The following PTPRD variants were observed in gnomAD, a reference collection of about 807,000 sequenced individuals.
PTPRD encodes protein tyrosine phosphatase receptor type D.
A neutral mutation model predicts 214.5 loss-of-function variants in PTPRD; 34 were observed. The ratio of observed to expected loss-of-function variants is 0.16; its 90% confidence interval spans 0.12 to 0.21. The LOEUF is 0.21. Ranked by LOEUF, PTPRD falls within the 10% of genes least tolerant of loss-of-function variation. PTPRD has a pLI of 1.00. For synonymous variants in PTPRD, 1,128 were observed against 845.7 expected, an observed-to-expected ratio of 1.33 and a Z score of -5.79; for missense variants, 2,545 against 2,398.7, an observed-to-expected ratio of 1.06 and a Z score of -1.27.
At chr9:9,290,823 G>A (rs142500218) in intron 9 of PTPRD, among the ~76,000 whole-genome samples, 3,069 of 151,422 alleles carry the variant, frequency 0.02, 62 homozygotes, top group Non-Finnish European at 0.029. Context: ...TCATTAATTC[G>A]TTAGGTAATC....
At chr9:8,883,318 T>G (rs984271353) in intron 11 of PTPRD, among the ~76,000 whole-genome samples, 2 of 152,208 alleles carry the variant, frequency 1.3e-5, no homozygotes, top group African/African-American at 4.8e-5. Flanking sequence ...AACTCCTAGA[T>G]TTGTTCTGTG....
intron 25 of PTPRD, 75 bp downstream of exon 25, chr9:8,499,572 T>G (rs2097349904): frequency 6.7e-7 from 1 of 1,484,758 alleles, no homozygotes; most frequent in Non-Finnish European, 9.1e-7. Context: ...AAAACTAAAA[T>G]AAGAGCAATT....
chr9:10,171,801 G>A (rs1223821201), intron 3 of PTPRD, among the ~76,000 whole-genome samples: 1 of 152,178 alleles, frequency 6.6e-6, no homozygotes, highest in Non-Finnish European at 1.5e-5. Flanking sequence ...GGGATTACAG[G>A]CATGAGCCAC....
At chr9:8,958,279 T>C (rs2099142116) in intron 11 of PTPRD, among the ~76,000 whole-genome samples, 2 of 151,936 alleles carry the variant, frequency 1.3e-5, no homozygotes, top group African/African-American at 4.8e-5. Context: ...ACAAGGAAGA[T>C]GTGGGGACAC....
At position 9,186,234 on chromosome 9, in the gene PTPRD, A is replaced by G. The variant is rs2099931390; in HGVS notation, c.-202-2871T>C. ...TCAATCTGGGGGAGAGAAAGAAATG[A>G]ACAAGGAGGAAATAACAATAAGGGT... On this transcript the variant is annotated intron_variant, in intron 9 of 45. Coordinates refer to ENST00000381196, the MANE Select transcript of PTPRD (RefSeq NM_002839.4). Among the ~76,000 whole-genome samples the G allele has an allele frequency of 2.0e-5, 3 of 152,136 alleles. No homozygotes were observed. The South Asian group carries it at 6.2e-4, about 31-fold the overall frequency.
intron 2 of PTPRD, among the ~76,000 whole-genome samples, chr9:10,562,692 G>A (rs2064341516): frequency 1.3e-5 from 2 of 152,034 alleles, no homozygotes. Flanking sequence ...ATGCAAACAA[G>A]TATTATTTCA....
chr9:9,916,339 T>C (rs998470549), intron 5 of PTPRD, among the ~76,000 whole-genome samples: 4 of 151,640 alleles, frequency 2.6e-5, no homozygotes, highest in African/African-American at 9.7e-5. Flanking sequence ...ACCATATCAC[T>C]ATAGAAAACC....
intron 9 of PTPRD, among the ~76,000 whole-genome samples, chr9:9,377,983 A>G (rs1256902788): frequency 6.6e-6 from 1 of 152,030 alleles, no homozygotes; most frequent in Non-Finnish European, 1.5e-5. Flanking sequence ...GATTTCACAT[A>G]TACTCCCTCT....
chr9:8,854,220 C>G (rs1301368789), intron 11 of PTPRD, among the ~76,000 whole-genome samples: 1 of 152,140 alleles, frequency 6.6e-6, no homozygotes, highest in Non-Finnish European at 1.5e-5. Context: ...AAACCTAAGT[C>G]TGATGCTCCT....
chr9:9,201,663 A>G (rs762198573), intron 9 of PTPRD, among the ~76,000 whole-genome samples: 3 of 152,198 alleles, frequency 2.0e-5, no homozygotes, highest in Non-Finnish European at 4.4e-5. Flanking sequence ...AAAATAATTA[A>G]CAAATGTCTT....
At chr9:8,365,466 T>C (rs1488521675) in intron 39 of PTPRD, among the ~76,000 whole-genome samples, 1 of 152,164 alleles carries the variant, frequency 6.6e-6, no homozygotes, top group Non-Finnish European at 1.5e-5. Context: ...ATACTATTCA[T>C]AAACCCTGTA....
chr9:10,166,812 C>T (rs1372764845), intron 3 of PTPRD, among the ~76,000 whole-genome samples: 1 of 152,038 alleles, frequency 6.6e-6, no homozygotes, highest in Non-Finnish European at 1.5e-5. Context: ...AGATGTTTTG[C>T]CCATGCAATA....
intron 3 of PTPRD, among the ~76,000 whole-genome samples, chr9:10,065,140 T>C (rs1028891429): frequency 1.2e-4 from 1 of 8,384 alleles, no homozygotes; most frequent in African/African-American, 4.5e-4. Context: ...GTGACTTGGA[T>C]TAGAAAGAAA....
intron 5 of PTPRD, among the ~76,000 whole-genome samples, chr9:9,858,903 A>G (rs1448673142): frequency 6.6e-6 from 1 of 152,176 alleles, no homozygotes; most frequent in Non-Finnish European, 1.5e-5. Context: ...CTCAGAGCAG[A>G]AAACTTTGCC....
At chr9:8,821,124 C>A (rs560500070) in intron 11 of PTPRD, among the ~76,000 whole-genome samples, 1 of 152,128 alleles carries the variant, frequency 6.6e-6, no homozygotes, top group African/African-American at 2.4e-5. Flanking sequence ...CTCCTCTGAT[C>A]CCTCTGCTCC....
intron 5 of PTPRD, among the ~76,000 whole-genome samples, chr9:9,815,759 G>T (rs2048552179): frequency 6.6e-6 from 1 of 152,062 alleles, no homozygotes; most frequent in African/African-American, 2.4e-5. Context: ...GTAGGGGATG[G>T]GGCATGAGAG....
chr9:8,454,506 T>G, intron 33 of PTPRD: 3 of 1,550,258 alleles, frequency 1.9e-6, no homozygotes, highest in Non-Finnish European at 2.7e-6. Flanking sequence ...CCCTCCCCTC[T>G]TCAACAACTC....
intron 10 of PTPRD, among the ~76,000 whole-genome samples, chr9:9,057,433 G>A (rs2099698402): frequency 2.0e-5 from 3 of 152,002 alleles, no homozygotes; most frequent in Admixed American, 2.0e-4. Flanking sequence ...AAACTTTTTG[G>A]GTGGTTTAAA....
At chr9:8,506,843 T>A (rs2137449964) in intron 22 of PTPRD, among the ~76,000 whole-genome samples, 1 of 152,302 alleles carries the variant, frequency 6.6e-6, no homozygotes, top group African/African-American at 2.4e-5. Flanking sequence ...AAACAAACAT[T>A]TGCTATTGGG....
Sources: gnomAD v4.1 joint callset for allele counts (sites outside exome capture counted in the v4.1 genomes callset) on GRCh38, gnomAD v4.1.1 for gene constraint, MANE v1.5 for transcripts, NCBI Gene and HGNC (gene_info 2026-07-23, HGNC 2026-07-21) for gene names.